LATS1: variants seen among roughly 807,000 people sequenced by gnomAD.
The protein encoded by LATS1 is large tumor suppressor kinase 1, also known as serine/threonine-protein kinase LATS1.
A neutral mutation model predicts 106.6 loss-of-function variants in LATS1; 25 were observed. That is an observed-to-expected ratio of 0.23 (90% CI 0.17 to 0.33). LATS1 has a LOEUF of 0.33. Ranked by LOEUF, LATS1 falls within the 10% of genes least tolerant of loss-of-function variation. The probability of loss-of-function intolerance (pLI) is 1.00; values close to 1 mark genes in which losing one functional copy is unlikely to be tolerated. For synonymous variants in LATS1, 465 were observed against 455.6 expected (o/e 1.02, Z -0.26); for missense variants, 1,040 against 1,382.6 (o/e 0.75, Z 3.93).
At chr6:149,697,698 C>A (rs888257624) in intron 2 of LATS1, among the ~76,000 whole-genome samples, 1 of 152,012 alleles carries the variant, frequency 6.6e-6, no homozygotes, top group Non-Finnish European at 1.5e-5. Context: ...AAAATTAGCA[C>A]CCACTACCCT....
intron 1 of LATS1, among the ~76,000 whole-genome samples, chr6:149,711,265 C>G (rs1784075004): frequency 6.6e-6 from 1 of 152,064 alleles, no homozygotes; most frequent in South Asian, 2.1e-4. Flanking sequence ...TATCTTTTGG[C>G]CGGGCACGGT....
intron 1 of LATS1, among the ~76,000 whole-genome samples, chr6:149,711,775 A>C (rs1784114819): frequency 6.6e-6 from 1 of 152,124 alleles, no homozygotes; most frequent in Non-Finnish European, 1.5e-5. Flanking sequence ...ATCAGGGTCC[A>C]ATCTCCCCTA....
chr6:149,711,449 C>A (rs928783942), intron 1 of LATS1, among the ~76,000 whole-genome samples: 3 of 152,268 alleles, frequency 2.0e-5, no homozygotes, highest in African/African-American at 7.2e-5. Flanking sequence ...GAGGCTGAGG[C>A]AGAAGAATTG....
chr6:149,682,625 A>G (rs1782116793), intron 4 of LATS1, among the ~76,000 whole-genome samples: 1 of 152,062 alleles, frequency 6.6e-6, no homozygotes, highest in Non-Finnish European at 1.5e-5. Flanking sequence ...TGTGTTAGGC[A>G]GGATGGTCTC....
intron 1 of LATS1, among the ~76,000 whole-genome samples, chr6:149,715,719 T>C (rs1423385261): frequency 6.6e-6 from 1 of 152,228 alleles, no homozygotes. Context: ...AAAATTCTGA[T>C]ACTTATTGTC....
chr6:149,672,055 A>G (rs1434664036), intron 7 of LATS1, among the ~76,000 whole-genome samples: 2 of 150,228 alleles, frequency 1.3e-5, no homozygotes, highest in African/African-American at 2.5e-5. Context: ...CACCCAGCTA[A>G]TTTTTTTTTG....
intron 4 of LATS1, among the ~76,000 whole-genome samples, chr6:149,682,723 AC>A (rs753040817): frequency 1.2e-4 from 18 of 152,002 alleles, no homozygotes; most frequent in Non-Finnish European, 2.6e-4. Context: ...CCTGAGACCC[AC>A]ATATTTCTAG....
chr6:149,708,971 G>T (rs1316715246), intron 1 of LATS1, among the ~76,000 whole-genome samples: 1 of 152,114 alleles, frequency 6.6e-6, no homozygotes, highest in African/African-American at 2.4e-5. Context: ...GGCAAGCAGG[G>T]GAGTGGGAAA....
chr6:149,661,367 C>CA lies in LATS1; in HGVS notation c.*361dup. Reference sequence around the variant, plus strand: ...GCAAGATAAAACTAAAACTGTCTTTCAAAAAAATTTCAAAAACTCTTGTAT... The same window carrying CA: ...GCAAGATAAAACTAAAACTGTCTTTCAAAAAAAATTTCAAAAACTCTTGTAT... On this transcript the variant is annotated 3_prime_UTR_variant, in exon 8 of 8. Transcript: ENST00000543571. The CA allele has an allele frequency of 4.2e-6, 1 of 240,912 alleles. No individual in the cohort carries two copies. The highest frequency in any genetic ancestry group is 1.8e-4 in the South Asian group (1 of 5,640). 14.9% of individuals were successfully genotyped at this position (240,912 alleles called of 1,614,324 possible). A position where few individuals can be genotyped will look rare whatever the true frequency, so the allele number is the denominator to read the frequency against.
chr6:149,701,416 C>A (rs1230499089), intron 2 of LATS1, among the ~76,000 whole-genome samples: 2 of 152,084 alleles, frequency 1.3e-5, no homozygotes, highest in Non-Finnish European at 2.9e-5. Flanking sequence ...ATCCTTGGAA[C>A]TATCATTTCC....
chr6:149,680,467 T>C lies in LATS1; in HGVS notation c.2011-10A>G. The C allele has an allele frequency of 6.5e-7, 1 of 1,540,200 alleles. No individual in the cohort carries two copies. ...CTTGAGATAATCCAACCTAGGCAAATAAACTAGATGTTAAATAAGAATTAT... is the reference window on the plus strand; with the variant it reads ...CTTGAGATAATCCAACCTAGGCAAACAAACTAGATGTTAAATAAGAATTAT... On this transcript the variant is annotated splice_polypyrimidine_tract_variant and intron_variant, in intron 4 of 7. Transcript: ENST00000543571.
intron 3 of LATS1, among the ~76,000 whole-genome samples, chr6:149,686,040 A>C (rs1315674668): frequency 1.3e-5 from 2 of 152,206 alleles, no homozygotes; most frequent in Non-Finnish European, 2.9e-5. Context: ...AAAAGTAGAG[A>C]TCTAAATACA....
intron 2 of LATS1, among the ~76,000 whole-genome samples, chr6:149,695,641 T>C (rs1452334061): frequency 2.0e-5 from 3 of 150,398 alleles, no homozygotes; most frequent in Non-Finnish European, 4.4e-5. Context: ...GACCACTGTA[T>C]TCCAGCCTGG....
At chr6:149,664,161 CA>C (rs58373258) in intron 7 of LATS1, among the ~76,000 whole-genome samples, 58,409 of 121,030 alleles carry the variant, frequency 0.48, 12,059 homozygotes, top group East Asian at 0.8. Context: ...CAGTTTAAGG[CA>C]AAAAAAAAAA....
At chr6:149,692,310 C>T (rs1404869298) in intron 3 of LATS1, among the ~76,000 whole-genome samples, 1 of 152,078 alleles carries the variant, frequency 6.6e-6, no homozygotes, top group African/African-American at 2.4e-5. Flanking sequence ...CCAAAGCAGC[C>T]ATGCAAAGGG....
chr6:149,717,936 G>C lies in LATS1; in HGVS notation c.-228C>G, dbSNP rs535624089. 1 of 362,436 alleles carries C rather than the reference G, an allele frequency of 2.8e-6. No homozygotes were observed. Among genetic ancestry groups the C allele is most frequent in the Admixed American group, 4.4e-5 (1 of 22,500 alleles). The allele number at this position is 362,436 out of a possible 1,614,324, so 22.5% of individuals were successfully genotyped here. On this transcript the variant is annotated 5_prime_UTR_variant, in exon 1 of 8. Coordinates refer to ENST00000543571, the MANE Select transcript of LATS1 (RefSeq NM_004690.4). The stretch of plus-strand genomic sequence containing the variant: ...CCAGAGTCCGTCCCAGCAACCCCAA[G>C]TATCCCTGGTGGGGCAGAGCGGGGA...
At chr6:149,665,315 T>C (rs958105515) in intron 7 of LATS1, among the ~76,000 whole-genome samples, 2 of 152,138 alleles carry the variant, frequency 1.3e-5, no homozygotes, top group African/African-American at 2.4e-5. Flanking sequence ...TGAGCCAAGA[T>C]TGTGCCACTG....
intron 3 of LATS1, among the ~76,000 whole-genome samples, chr6:149,690,897 T>G (rs976466635): frequency 2.0e-5 from 3 of 152,242 alleles, no homozygotes; most frequent in African/African-American, 7.2e-5. Flanking sequence ...ATTGAAGTCA[T>G]GATGAACTGG....
intron 4 of LATS1, among the ~76,000 whole-genome samples, chr6:149,680,659 G>T (rs779136886): frequency 1.3e-5 from 2 of 150,276 alleles, no homozygotes; most frequent in African/African-American, 4.9e-5. Context: ...GATATTCAAA[G>T]TGAGTACCTA....
Sources: allele counts gnomAD v4.1 joint callset (sites outside exome capture counted in the v4.1 genomes callset), GRCh38; gene constraint gnomAD v4.1.1; transcripts MANE v1.5; gene names NCBI Gene and HGNC (gene_info 2026-07-23, HGNC 2026-07-21).